The following LIFR variants were observed in gnomAD, a reference collection of about 807,000 sequenced individuals.
LIFR encodes LIF receptor subunit alpha, also known as leukemia inhibitory factor receptor.
In LIFR, 84 loss-of-function variants were observed where a neutral mutation model predicts 122.2. That is an observed-to-expected ratio of 0.69 (90% CI 0.58 to 0.82). The LOEUF (loss-of-function observed/expected upper bound fraction) is 0.82, where lower values mean the gene tolerates loss of function less well. Ranked by LOEUF, LIFR falls within the 40% of genes least tolerant of loss-of-function variation. The pLI, the probability that LIFR is intolerant of heterozygous loss-of-function variation, is 0.00. For synonymous variants in LIFR, 422 were observed against 434.7 expected (o/e 0.97, Z 0.36); for missense variants, 1,294 against 1,311.6 (o/e 0.99, Z 0.21).
rs1745077031 is a variant in LIFR at position 38,499,689 on chromosome 5, C to G, written c.1601-106G>C. The G allele has an allele frequency of 3.7e-6, 3 of 813,870 alleles. No individual in the cohort carries two copies. In the Admixed American group the frequency reaches 5.6e-5, roughly 15 times the overall value. The allele number at this position is 813,870 out of a possible 1,614,324, so 50.4% of individuals were successfully genotyped here. On this transcript the variant is annotated intron_variant, in intron 11 of 19. Transcript: ENST00000453190. ...TTGGAATTCTCAATAAAACGTGAAG[C>G]AGTTCAGTGGCTTCCACTTAGAAAA...
rs533485210 is a variant in LIFR, at chr5:38,594,932, G to A, written c.-20+329C>T. ...TGCTCTCTTCCTCAGGTGTCTGTGC[G>A]GTGCAGAAACTGTACAACTGTATAC... On this transcript the variant is annotated intron_variant, in intron 1 of 19. Transcript: ENST00000263409. The A allele has an allele frequency of 3.0e-5, 6 of 201,154 alleles. No homozygotes were observed. In the South Asian group the frequency reaches 7.7e-4, roughly 26 times the overall value. 12.5% of individuals were successfully genotyped at this position (201,154 alleles called of 1,614,324 possible).
chr5:38,576,945 A>G (rs1243144908), intron 1 of LIFR, among the ~76,000 whole-genome samples: 2 of 152,228 alleles, frequency 1.3e-5, no homozygotes, highest in African/African-American at 4.8e-5. Context: ...TCACATAAGC[A>G]AAACCATTGA....
At position 38,587,717 on chromosome 5, in the gene LIFR, G is replaced by A. The variant is rs191892987; in HGVS notation, c.-20+7544C>T. ...AACCCAGAATCTGAGAAATAACATTGCCCAAAGTCACTTTAAAGCTGGAGT... is the reference window on the plus strand; with the variant it reads ...AACCCAGAATCTGAGAAATAACATTACCCAAAGTCACTTTAAAGCTGGAGT... On this transcript the variant is annotated intron_variant, in intron 1 of 19. Coordinates refer to the LIFR transcript ENST00000263409. Among the ~76,000 whole-genome samples the A allele has an allele frequency of 4.8e-3, 724 of 152,294 alleles. 15 individuals are homozygous for A. Among genetic ancestry groups the A allele is most frequent in the Admixed American group, 0.041 (624 of 15,300 alleles).
At chr5:38,504,554 T>G (rs1745358894) in intron 9 of LIFR, among the ~76,000 whole-genome samples, 1 of 152,078 alleles carries the variant, frequency 6.6e-6, no homozygotes, top group Non-Finnish European at 1.5e-5. Flanking sequence ...AAGATGGAAC[T>G]TAAGATGAGC....
At chr5:38,490,074 T>C in intron 15 of LIFR, 116 bp downstream of exon 15, 1 of 480,656 alleles carries the variant, frequency 2.1e-6, no homozygotes, top group South Asian at 4.1e-5. Context: ...TATCAAATTA[T>C]TTTACCTTCC....
At chr5:38,604,459 C>A (rs902130313) in intron 2 of LIFR, among the ~76,000 whole-genome samples, 4 of 152,152 alleles carry the variant, frequency 2.6e-5, no homozygotes, top group Non-Finnish European at 5.9e-5. Flanking sequence ...GTAATCCCAA[C>A]ATTTTGGAAA....
intron 1 of LIFR, among the ~76,000 whole-genome samples, chr5:38,553,644 A>ATATATAT (rs1561203352): frequency 3.2e-5 from 3 of 94,478 alleles, no homozygotes; most frequent in African/African-American, 1.4e-4. Flanking sequence ...ATATATATAT[A>ATATATAT]TATATATATA....
chr5:38,515,774 A>C (rs1746044968), intron 5 of LIFR, among the ~76,000 whole-genome samples: 1 of 152,094 alleles, frequency 6.6e-6, no homozygotes, highest in Non-Finnish European at 1.5e-5. Flanking sequence ...GTCAAGGAGG[A>C]GTATTTGTGT....
At chr5:38,488,249 C>T (rs919621548) in intron 16 of LIFR, among the ~76,000 whole-genome samples, 1 of 152,038 alleles carries the variant, frequency 6.6e-6, no homozygotes, top group Admixed American at 6.5e-5. Flanking sequence ...ACTTGGGGAC[C>T]GAAGGGGAGG....
chr5:38,517,261 T>A (rs1746133688), intron 5 of LIFR, among the ~76,000 whole-genome samples: 1 of 151,236 alleles, frequency 6.6e-6, no homozygotes, highest in African/African-American at 2.4e-5. Context: ...CTAAAGGGAG[T>A]AGTGACAAAT....
intron 16 of LIFR, among the ~76,000 whole-genome samples, chr5:38,487,789 T>C (rs994604605): frequency 2.6e-5 from 4 of 152,172 alleles, no homozygotes; most frequent in Non-Finnish European, 4.4e-5. Context: ...CCTTCAGTTC[T>C]AAGGAACGTT....
chr5:38,579,456 A>G (rs1274743442), intron 1 of LIFR: 1 of 152,188 alleles, frequency 6.6e-6, no homozygotes, highest in African/African-American at 2.4e-5. Flanking sequence ...TGGAAAAAAA[A>G]AAGAGGGGAG....
rs547988218 is a variant in LIFR, at chr5:38,586,689, A to C, written c.-20+8572T>G. On this transcript the variant is annotated intron_variant, in intron 1 of 19. Transcript: ENST00000263409. ...ATCTGATTGATAGACTGGGTTAGGG[A>C]TGCTTACACCTGGAGTGTAGCCAGA... 6.5e-4 allele frequency among the ~76,000 whole-genome samples: 99 copies of C among 152,260 alleles called. 1 individual carries two copies. The highest frequency in any genetic ancestry group is 2.3e-3 in the African/African-American group (96 of 41,558).
chr5:38,493,878 C>A, intron 13 of LIFR, 93 bp from the exon 14 acceptor site: 1 of 993,374 alleles, frequency 1.0e-6, no homozygotes, highest in Non-Finnish European at 1.6e-6. Flanking sequence ...AAAATCACTT[C>A]ATTGTGAAGA....
chr5:38,489,020 G>A (rs1403450800), intron 16 of LIFR, 58 bp downstream of exon 16: 2 of 1,438,902 alleles, frequency 1.4e-6, no homozygotes, highest in Non-Finnish European at 1.9e-6. Flanking sequence ...TTTTTTTTCT[G>A]TTGTGGTTAA....
chr5:38,486,548 T>C (rs1744294207), intron 16 of LIFR, among the ~76,000 whole-genome samples: 1 of 152,196 alleles, frequency 6.6e-6, no homozygotes, highest in Admixed American at 6.5e-5. Context: ...TTTTTAAAAA[T>C]TTAACCAGAA....
chr5:38,515,244 C>T (rs938275713), intron 5 of LIFR, among the ~76,000 whole-genome samples: 16 of 152,058 alleles, frequency 1.1e-4, no homozygotes, highest in African/African-American at 3.1e-4. Context: ...CAAGCGGTCT[C>T]GGCTATTTAC....
chr5:38,564,148 C>T (rs758742806), intron 1 of LIFR, among the ~76,000 whole-genome samples: 21 of 152,174 alleles, frequency 1.4e-4, no homozygotes, highest in Middle Eastern at 3.4e-3. Flanking sequence ...CTCTTTCCTT[C>T]GGGTGTTGTT....
chr5:38,550,343 A>G, intron 1 of LIFR: 1 of 445,220 alleles, frequency 2.2e-6, no homozygotes, highest in Non-Finnish European at 3.0e-6. Flanking sequence ...CTAGATTTTA[A>G]AGCATCTGTT....
Sources: allele counts gnomAD v4.1 joint callset (sites outside exome capture counted in the v4.1 genomes callset), GRCh38; gene constraint gnomAD v4.1.1; transcripts MANE v1.5; gene names NCBI Gene and HGNC (gene_info 2026-07-23, HGNC 2026-07-21).